ALDH1A1: variants seen among roughly 807,000 people sequenced by gnomAD.
ALDH1A1 encodes aldehyde dehydrogenase 1A1.
A neutral mutation model predicts 62.1 loss-of-function variants in ALDH1A1; 19 were observed. That is an observed-to-expected ratio of 0.31 (90% CI 0.21 to 0.45). ALDH1A1 has a LOEUF of 0.45. Ranked by LOEUF, ALDH1A1 falls within the 20% of genes least tolerant of loss-of-function variation. ALDH1A1 has a pLI of 1.00. For missense variants in ALDH1A1, 521 were observed against 607.1 expected (o/e 0.86, Z 1.49); for synonymous variants, 231 against 215.9 (o/e 1.07, Z -0.61).
At chr9:72,931,533 T>A (rs950619088) in intron 2 of ALDH1A1, among the ~76,000 whole-genome samples, 1 of 152,182 alleles carries the variant, frequency 6.6e-6, no homozygotes, top group Admixed American at 6.5e-5. Flanking sequence ...GTGACTGGGT[T>A]ACAGGAATTC....
intron 9 of ALDH1A1, among the ~76,000 whole-genome samples, chr9:72,914,245 C>T (rs901495598): frequency 5.9e-5 from 9 of 152,084 alleles, no homozygotes; most frequent in African/African-American, 1.9e-4. Context: ...TATTCAGAAA[C>T]CATGTATCAA....
chr9:72,906,418 TG>T (rs1564621075), intron 11 of ALDH1A1, among the ~76,000 whole-genome samples: 1 of 152,192 alleles, frequency 6.6e-6, no homozygotes, highest in African/African-American at 2.4e-5. Flanking sequence ...GTAATTCTCT[TG>T]ATGTTTCTGT....
chr9:72,925,761 A>G (rs1830197310), intron 5 of ALDH1A1, 149 bp from the exon 6 acceptor site: 3 of 855,082 alleles, frequency 3.5e-6, no homozygotes, highest in Non-Finnish European at 5.1e-6. Context: ...CATTGCTAAA[A>G]GCAACTAGTA....
rs1830400582 is a variant in ALDH1A1 at position 72,940,262 on chromosome 9, T to C, written c.67-10A>G. 6.2e-7 allele frequency: 1 copy of C among 1,604,660 alleles called. No individual in the cohort carries two copies. The highest frequency in any genetic ancestry group is 8.5e-7 in the Non-Finnish European group (1 of 1,172,142). On this transcript the variant is annotated splice_polypyrimidine_tract_variant and intron_variant, in intron 1 of 12. Transcript: ENST00000297785. The stretch of plus-strand genomic sequence containing the variant: ...CATTGTTTATGAAGATCTGTAGAGA[T>C]GAAGAGAAAATACATACAAGGCGCT...
intron 1 of ALDH1A1, among the ~76,000 whole-genome samples, chr9:72,952,664 C>A (rs1368279543): frequency 6.6e-6 from 1 of 151,872 alleles, no homozygotes; most frequent in Non-Finnish European, 1.5e-5. Flanking sequence ...TAGTAAAGTC[C>A]TCTGAATCCT....
chr9:72,931,067 A>T, intron 2 of ALDH1A1, 48 bp from the exon 3 acceptor site: 1 of 1,609,824 alleles, frequency 6.2e-7, no homozygotes, highest in Non-Finnish European at 8.5e-7. Flanking sequence ...ATATTAGGCA[A>T]GCAAATTTAA....
At chr9:72,934,733 G>A (rs978755341) in intron 2 of ALDH1A1, among the ~76,000 whole-genome samples, 12 of 152,108 alleles carry the variant, frequency 7.9e-5, no homozygotes, top group African/African-American at 2.7e-4. Context: ...TAAGCTCCAG[G>A]CACTAAGGAA....
intron 11 of ALDH1A1, among the ~76,000 whole-genome samples, chr9:72,908,597 AAGAAAGAAAGAAAGAAAGAAAG>A (rs1829931208): frequency 6.9e-6 from 1 of 145,492 alleles, no homozygotes; most frequent in Admixed American, 6.8e-5. Context: ...GAAAGAAAGA[AAGAAAGAAAGAAAGAAAGAAAG>A]AAAGAAAGAG....
chr9:72,925,690 C>A (rs375335307), intron 5 of ALDH1A1, 78 bp from the exon 6 acceptor site: 1 of 1,467,736 alleles, frequency 6.8e-7, no homozygotes, highest in South Asian at 1.3e-5. Context: ...TATTATACAC[C>A]CCCTGTAGAT....
intron 9 of ALDH1A1, among the ~76,000 whole-genome samples, chr9:72,913,110 C>G (rs1014112511): frequency 2.1e-4 from 32 of 152,246 alleles, no homozygotes; most frequent in African/African-American, 7.7e-4. Flanking sequence ...TTATGTTTCA[C>G]TTTCTCTTAC....
intron 11 of ALDH1A1, among the ~76,000 whole-genome samples, chr9:72,908,561 AAGAAAGAAAGAAAG>A (rs1185019431): frequency 1.2e-4 from 1 of 8,278 alleles, no homozygotes; most frequent in Non-Finnish European, 3.3e-4. Context: ...AGAAGAAAGA[AAGAAAGAAAGAAAG>A]AAAGAAAGAA....
chr9:72,926,715 G>C (rs759519252), intron 5 of ALDH1A1, among the ~76,000 whole-genome samples: 1 of 152,238 alleles, frequency 6.6e-6, no homozygotes, highest in African/African-American at 2.4e-5. Flanking sequence ...CAATGAGAAA[G>C]TGCGTTGGAG....
intron 7 of ALDH1A1, among the ~76,000 whole-genome samples, chr9:72,922,569 C>A (rs1324150253): frequency 2.0e-5 from 3 of 151,494 alleles, no homozygotes; most frequent in Non-Finnish European, 4.4e-5. Context: ...TTGGGCCACA[C>A]AAAAAATACA....
intron 11 of ALDH1A1, among the ~76,000 whole-genome samples, chr9:72,908,585 AAGAAAG>A (rs1829927995): frequency 7.4e-6 from 1 of 135,326 alleles, no homozygotes; most frequent in Non-Finnish European, 1.6e-5. Flanking sequence ...GAAAGAAAGA[AAGAAAG>A]AAAGAAAGAA....
chr9:72,940,352 T>A (rs1830401796), intron 1 of ALDH1A1, 100 bp from the exon 2 acceptor site: 6 of 814,624 alleles, frequency 7.4e-6, no homozygotes. Flanking sequence ...CATGCCTAAA[T>A]GATGCACATC....
intron 2 of ALDH1A1, among the ~76,000 whole-genome samples, chr9:72,933,592 C>CAAAAAAAAAA (rs60011646): frequency 2.9e-4 from 32 of 111,718 alleles, no homozygotes; most frequent in Non-Finnish European, 4.1e-4. Context: ...CATCTCAAAA[C>CAAAAAAAAAA]AAAAAAAAAA....
intron 9 of ALDH1A1, among the ~76,000 whole-genome samples, chr9:72,912,435 T>G (rs1177129730): frequency 6.6e-6 from 1 of 152,116 alleles, no homozygotes; most frequent in Admixed American, 6.5e-5. Flanking sequence ...CTGGAAGAAA[T>G]GCCTGTTAAT....
chr9:72,923,732 TC>T (rs1830169225), intron 7 of ALDH1A1: 1 of 214,034 alleles, frequency 4.7e-6, no homozygotes, highest in Non-Finnish European at 9.2e-6. Flanking sequence ...CTATTATAAA[TC>T]TTCCTAATAA....
In ALDH1A1 at chr9:72,905,970, T is replaced by C. The variant is rs1829873118; in HGVS notation, c.1421A>G (p.Asn474Ser). 4 of 1,609,804 alleles carry C rather than the reference T, an allele frequency of 2.5e-6. No individual in the cohort carries two copies. Among genetic ancestry groups the C allele is most frequent in the East Asian group, 2.2e-5 (1 of 44,788 alleles). ...ACGTTAATCTTACAGTTCTCTTCCATTTCCAGACATCTTGAATCCACCAAA... is the reference window on the plus strand; with the variant it reads ...ACGTTAATCTTACAGTTCTCTTCCACTTCCAGACATCTTGAATCCACCAAA... Reference protein sequence around the residue: ...CPFGGFKMSGNGRELGEYGFH... With the variant: ...CPFGGFKMSGSGRELGEYGFH... The change falls in exon 12 of 13, where the codon AAT becomes AGT. Residue 474 changes from asparagine to serine, a missense_variant. By Grantham distance (46) the Asn-to-Ser change is conservative. Transcript: ENST00000297785.
Sources: allele counts gnomAD v4.1 joint callset (sites outside exome capture counted in the v4.1 genomes callset), GRCh38; gene constraint gnomAD v4.1.1; transcripts MANE v1.5; gene names NCBI Gene and HGNC (gene_info 2026-07-23, HGNC 2026-07-21).